Variants in CREBBP observed in about 807,000 individuals in gnomAD.
CREBBP encodes the protein CREB binding lysine acetyltransferase.
A neutral mutation model predicts 265.0 loss-of-function variants in CREBBP; 19 were observed. The ratio of observed to expected loss-of-function variants is 0.07; its 90% confidence interval spans 0.05 to 0.11. The LOEUF is 0.11. Among genes scored for constraint, CREBBP ranks in the 10% least tolerant of loss-of-function variants. CREBBP has a pLI of 1.00. For missense variants in CREBBP, 2,525 were observed against 3,219.0 expected, an observed-to-expected ratio of 0.78 and a Z score of 5.22; for synonymous variants, 1,457 against 1,223.7, an observed-to-expected ratio of 1.19 and a Z score of -3.98.
intron 2 of CREBBP, among the ~76,000 whole-genome samples, chr16:3,814,330 C>G (rs762123995): frequency 1.3e-5 from 2 of 151,846 alleles, no homozygotes; most frequent in Non-Finnish European, 2.9e-5. Context: ...TTTCAGCTCC[C>G]TGCAACCTCC....
intron 6 of CREBBP, among the ~76,000 whole-genome samples, chr16:3,782,359 C>T (rs1474053349): frequency 2.0e-5 from 3 of 152,306 alleles, no homozygotes; most frequent in East Asian, 3.9e-4. Flanking sequence ...TAAATGACAA[C>T]AGTCAGCATG....
In CREBBP at chr16:3,727,355, CAAAT is replaced by C; in HGVS notation, c.*359_*362del. ...ATAAATGTTTAAAGTCTTGAAAATA[CAAAT>C]AAAAAATATGAATATAATGAACTTG... On this transcript the variant is annotated 3_prime_UTR_variant, in exon 31 of 31. Transcript: ENST00000262367. 1 of 269,080 alleles carries C rather than the reference CAAAT, an allele frequency of 3.7e-6. No individual in the cohort carries two copies. The highest frequency in any genetic ancestry group is 7.1e-6 in the Non-Finnish European group (1 of 140,474). The allele number at this position is 269,080 out of a possible 1,614,324, so 16.7% of individuals were successfully genotyped here.
chr16:3,820,186 G>A (rs2054114647), intron 2 of CREBBP, among the ~76,000 whole-genome samples: 1 of 152,134 alleles, frequency 6.6e-6, no homozygotes, highest in Non-Finnish European at 1.5e-5. Context: ...ATTTTCTCTT[G>A]GCAACCTACC....
chr16:3,839,744 G>C (rs1282039444), intron 2 of CREBBP, among the ~76,000 whole-genome samples: 1 of 141,692 alleles, frequency 7.1e-6, no homozygotes, highest in Non-Finnish European at 1.5e-5. Flanking sequence ...GGGAAGGGAG[G>C]GAAGGAAAGG....
chr16:3,816,988 C>A, intron 2 of CREBBP, among the ~76,000 whole-genome samples: 1 of 152,190 alleles, frequency 6.6e-6, no homozygotes, highest in Admixed American at 6.5e-5. Context: ...GCAGCAGGAA[C>A]AGTGCCCTTT....
chr16:3,740,277 G>A (rs1314696049), intron 24 of CREBBP, 122 bp downstream of exon 24: 11 of 1,171,336 alleles, frequency 9.4e-6, no homozygotes, highest in South Asian at 1.3e-5. Context: ...GCTACTGCAC[G>A]CATTCGCTGC....
At chr16:3,857,697 A>C (rs2141530168) in intron 1 of CREBBP, among the ~76,000 whole-genome samples, 1 of 152,238 alleles carries the variant, frequency 6.6e-6, no homozygotes, top group East Asian at 1.9e-4. Context: ...GACTGTGGGC[A>C]CCCTGCACCC....
chr16:3,766,803 A>G (rs2052864132), intron 16 of CREBBP, among the ~76,000 whole-genome samples: 1 of 152,194 alleles, frequency 6.6e-6, no homozygotes, highest in Admixed American at 6.5e-5. Flanking sequence ...CTGGGATTAC[A>G]GGTGTAAGCC....
intron 1 of CREBBP, among the ~76,000 whole-genome samples, chr16:3,871,785 C>G (rs541402668): frequency 6.6e-6 from 1 of 152,204 alleles, no homozygotes; most frequent in Non-Finnish European, 1.5e-5. Context: ...CTCCACTACA[C>G]AACTACTTTT....
chr16:3,849,456 T>A (rs1162358242), intron 2 of CREBBP, among the ~76,000 whole-genome samples: 1 of 120,680 alleles, frequency 8.3e-6, no homozygotes, highest in African/African-American at 3.0e-5. Flanking sequence ...TGTGTGTGTG[T>A]GTGTGTGTGT....
In CREBBP at chr16:3,773,941, A is replaced by G. The variant is rs2141217242; in HGVS notation, c.2284-11T>C. The G allele has an allele frequency of 6.2e-7, 1 of 1,612,180 alleles. No homozygotes were observed. The highest frequency in any genetic ancestry group is 1.1e-5 in the South Asian group (1 of 91,004). ...AGGAGAAATGGCCATCTACGAGACA[A>G]CAAGCACCACCAGAGCTGTAGTTCG... On this transcript the variant is annotated splice_polypyrimidine_tract_variant and intron_variant, in intron 12 of 30. Coordinates refer to ENST00000262367, the MANE Select transcript of CREBBP (RefSeq NM_004380.3).
At chr16:3,784,043 T>C (rs1285130398) in intron 5 of CREBBP, among the ~76,000 whole-genome samples, 2 of 152,172 alleles carry the variant, frequency 1.3e-5, no homozygotes, top group Non-Finnish European at 2.9e-5. Context: ...TATTTTTGAG[T>C]TCCTTTCTAA....
Position 3,745,534 on chromosome 16 carries a change from C to T in CREBBP, c.3837-180G>A, listed in dbSNP as rs1274348934. ...CAATGCATCCGTATGATATCTTCTA[C>T]AGGAAAAAGCTTTCTTCTTTTGTTT... On this transcript the variant is annotated intron_variant, in intron 21 of 30. Coordinates refer to ENST00000262367, the MANE Select transcript of CREBBP (RefSeq NM_004380.3). 4.6e-6 allele frequency: 3 copies of T among 646,382 alleles called. No homozygotes were observed. In the African/African-American group the frequency reaches 5.4e-5, roughly 12 times the overall value. 40.0% of individuals were successfully genotyped at this position (646,382 alleles called of 1,614,324 possible).
At chr16:3,850,110 T>C (rs1386473304) in intron 2 of CREBBP, among the ~76,000 whole-genome samples, 187 bp downstream of exon 2, 1 of 152,162 alleles carries the variant, frequency 6.6e-6, no homozygotes, top group Non-Finnish European at 1.5e-5. Context: ...AGAATTCTCA[T>C]TTTAAAGACA....
At chr16:3,761,377 T>C (rs574836203) in intron 16 of CREBBP, among the ~76,000 whole-genome samples, 128 of 152,290 alleles carry the variant, frequency 8.4e-4, no homozygotes, top group African/African-American at 3.0e-3. Context: ...GGACCTGCCA[T>C]CAATTCTGTG....
rs550968281 is a variant in CREBBP at position 3,725,118 on chromosome 16, T to C, written c.*2600A>G. 6.7e-4 allele frequency: 156 copies of C among 233,486 alleles called. No individual in the cohort carries two copies. The highest frequency in any genetic ancestry group is 3.0e-3 in the African/African-American group (135 of 45,476). The allele number at this position is 233,486 out of a possible 1,614,324, so 14.5% of individuals were successfully genotyped here. ...CCATCACATTTCAAGTTTCCTCTTT[T>C]TGATCACAAATATAGGACTTTTTCT... On this transcript the variant is annotated 3_prime_UTR_variant, in exon 31 of 31. Transcript: ENST00000262367.
rs2141492400 is a variant in CREBBP at position 3,850,559 on chromosome 16, G to A, written c.536C>T (p.Ala179Val). 2 of 1,614,236 alleles carry A rather than the reference G, an allele frequency of 1.2e-6. No individual in the cohort carries two copies. Among genetic ancestry groups the A allele is most frequent in the African/African-American group, 1.3e-5 (1 of 75,058 alleles). The change falls in exon 2 of 31, where the codon GCT (alanine) becomes GTT (valine). Residue 179 changes from alanine (A) to valine (V), a missense_variant. This residue lies in a region of CREBBP where 356 missense variants were observed against 340.4 expected (regional missense o/e 1.05). Coordinates refer to ENST00000262367, the MANE Select transcript of CREBBP (RefSeq NM_004380.3). Reference protein sequence around the residue: ...SQTGPGICMNANFNQTHPGLL... With the variant: ...SQTGPGICMNVNFNQTHPGLL... ...GCCTGGGTGGGTCTGGTTAAAGTTA[G>A]CATTCATGCAGATACCAGGTCCAGT... is the stretch of plus-strand genomic sequence containing the variant.
intron 1 of CREBBP, among the ~76,000 whole-genome samples, chr16:3,851,953 G>A (rs1597057004): frequency 7.2e-6 from 1 of 139,464 alleles, no homozygotes; most frequent in East Asian, 2.3e-4. Flanking sequence ...CAGGAGAATG[G>A]CGTGAACCTG....
At position 3,774,553 on chromosome 16, in the gene CREBBP, G is replaced by C. The variant is rs760841854; in HGVS notation, c.2283+16C>G. 1.2e-6 allele frequency: 2 copies of C among 1,613,866 alleles called. No individual in the cohort carries two copies. Among genetic ancestry groups the C allele is most frequent in the East Asian group, 2.2e-5 (1 of 44,892 alleles). ...GAGGGAGGGCTATCTGCAGCACAGC[G>C]AAAGAGAACACTTACCCCTGGCACT... On this transcript the variant is annotated intron_variant, in intron 12 of 30. Transcript: ENST00000262367.
Sources: gnomAD v4.1 joint callset for allele counts (sites outside exome capture counted in the v4.1 genomes callset) on GRCh38, gnomAD v4.1.1 for gene constraint, gnomAD v4.1.1 regional missense constraint, MANE v1.5 for transcripts, NCBI Gene and HGNC (gene_info 2026-07-23, HGNC 2026-07-21) for gene names.